Variants in PPARA observed in about 807,000 individuals in gnomAD.
The protein encoded by PPARA is peroxisome proliferator-activated receptor alpha.
In PPARA, 22 loss-of-function variants were observed where a neutral mutation model predicts 42.2. The observed-to-expected ratio is 0.52, with a 90% CI of 0.37 to 0.74. The LOEUF (loss-of-function observed/expected upper bound fraction) is 0.74, where lower values mean the gene tolerates loss of function less well. Among genes scored for constraint, PPARA ranks in the 30% least tolerant of loss-of-function variants. The pLI, the probability that PPARA is intolerant of heterozygous loss-of-function variation, is 0.00. For synonymous variants in PPARA, 242 were observed against 239.3 expected, an observed-to-expected ratio of 1.01 and a Z score of -0.10; for missense variants, 465 against 608.2, an observed-to-expected ratio of 0.76 and a Z score of 2.48.
In PPARA at chr22:46,217,397, G is replaced by A. The variant is rs139962269; in HGVS notation, c.370-866G>A. Among the ~76,000 whole-genome samples, 1,512 of 152,238 alleles carry A rather than the reference G, an allele frequency of 9.9e-3. 25 individuals are homozygous for A. The highest frequency in any genetic ancestry group is 0.034 in the African/African-American group (1,429 of 41,546). ...CTTATAAAGTGGCCTTTTCCTTAGG[G>A]CCATGATTAATTATTCATTTAGTTT... On this transcript the variant is annotated intron_variant, in intron 5 of 8. Transcript: ENST00000407236.
chr22:46,214,958 A>G (rs1018285253), intron 4 of PPARA, among the ~76,000 whole-genome samples: 6 of 152,042 alleles, frequency 3.9e-5, no homozygotes, highest in Non-Finnish European at 1.5e-5. Flanking sequence ...CAGCAGTGAG[A>G]GCGAGCATGC....
At chr22:46,217,143 C>A (rs1049435956) in intron 5 of PPARA, among the ~76,000 whole-genome samples, 1 of 152,088 alleles carries the variant, frequency 6.6e-6, no homozygotes, top group African/African-American at 2.4e-5. Context: ...CCATTCTAAC[C>A]CCATGCGTTC....
At position 46,235,520 on chromosome 22, in the gene PPARA, G is replaced by A. The variant is rs766889786; in HGVS notation, c.*140G>A. The A allele has an allele frequency of 1.6e-5, 18 of 1,115,466 alleles. No homozygotes were observed. Among genetic ancestry groups the A allele is most frequent in the Admixed American group, 6.3e-5 (3 of 47,870 alleles). 69.1% of individuals were successfully genotyped at this position (1,115,466 alleles called of 1,614,324 possible). On this transcript the variant is annotated 3_prime_UTR_variant, in exon 9 of 9. Transcript: ENST00000407236. This position sits in a 1 kb window ranked among gnomAD's most constrained non-coding sequence, Gnocchi z 7.0. ...TGGACAGTCTGAGCTGTAGGTAACC[G>A]GCATATTATTCCATATCTTTGTTTT...
In PPARA at chr22:46,183,374, A is replaced by C. The variant is rs1930234049; in HGVS notation, c.-43+6538A>C. Among the ~76,000 whole-genome samples the C allele has an allele frequency of 6.6e-6, 1 of 152,262 alleles. No individual in the cohort carries two copies. The highest frequency in any genetic ancestry group is 2.4e-5 in the African/African-American group (1 of 41,472). ...TTGACTGAAGACTCCAAGAGAGAGT[A>C]ATATTCATCAAGAGGATCATCTACT... is the stretch of plus-strand genomic sequence containing the variant. On this transcript the variant is annotated intron_variant, in intron 3 of 8. Transcript: ENST00000407236. The surrounding 1 kb of genome is among the most constrained non-coding windows in gnomAD (Gnocchi z 5.5).
Position 46,204,611 on chromosome 22 carries a change from C to T in PPARA, c.208+6020C>T, listed in dbSNP as rs977909690. Among the ~76,000 whole-genome samples the T allele has an allele frequency of 6.6e-6, 1 of 151,922 alleles. No homozygotes were observed. Among genetic ancestry groups the T allele is most frequent in the Non-Finnish European group, 1.5e-5 (1 of 67,990 alleles). On this transcript the variant is annotated intron_variant, in intron 4 of 8. Coordinates refer to ENST00000407236, the MANE Select transcript of PPARA (RefSeq NM_005036.6). This position sits in a 1 kb window ranked among gnomAD's most constrained non-coding sequence, Gnocchi z 5.2. ...CTGTGGTGATTTTTATTTGCACTTC[C>T]CTGGTGATTTTGAGCATCTTTTCGT...
At position 46,162,351 on chromosome 22, in the gene PPARA, G is replaced by A. The variant is rs961837134; in HGVS notation, c.-127+10381G>A. On this transcript the variant is annotated intron_variant, in intron 2 of 8. Coordinates refer to ENST00000407236, the MANE Select transcript of PPARA (RefSeq NM_005036.6). This position sits in a 1 kb window ranked among gnomAD's most constrained non-coding sequence, Gnocchi z 6.0. The stretch of plus-strand genomic sequence containing the variant: ...GGCCCTGACATTCCAGGGACTGACC[G>A]ACACGCTGTCTACACAAACCCCTTC... 1.1e-4 allele frequency among the ~76,000 whole-genome samples: 17 copies of A among 152,240 alleles called. No homozygotes were observed. Among genetic ancestry groups the A allele is most frequent in the Non-Finnish European group, 1.9e-4 (13 of 68,022 alleles).
At chr22:46,207,644 T>TTTTTTATTA (rs1652651299) in intron 4 of PPARA, among the ~76,000 whole-genome samples, 1 of 91,740 alleles carries the variant, frequency 1.1e-5, no homozygotes, top group Non-Finnish European at 2.0e-5. Flanking sequence ...AATTAATTAA[T>TTTTTTATTA]TTATTATTAT....
chr22:46,177,052 TACAAAAAA>T (rs1346706206), intron 3 of PPARA, among the ~76,000 whole-genome samples: 6 of 151,782 alleles, frequency 4.0e-5, no homozygotes, highest in African/African-American at 1.2e-4. Flanking sequence ...CTACTACAAA[TACAAAAAA>T]ATTAGCCGGG....
At chr22:46,229,187 G>C (rs182601816) in intron 7 of PPARA, among the ~76,000 whole-genome samples, 6 of 151,966 alleles carry the variant, frequency 3.9e-5, no homozygotes, top group African/African-American at 1.5e-4. Flanking sequence ...ATAAAGTGAC[G>C]GTGGCCTAAG....
Position 46,211,162 on chromosome 22 carries a change from C to T in PPARA, c.209-4011C>T, listed in dbSNP as rs1489453989. 6.6e-6 allele frequency among the ~76,000 whole-genome samples: 1 copy of T among 152,192 alleles called. No homozygotes were observed. Among genetic ancestry groups the T allele is most frequent in the African/African-American group, 2.4e-5 (1 of 41,446 alleles). ...TACTAACCTATGTCTATACAGGAAT[C>T]TATCGGTATTTCTGTCTGTGGCCAT... On this transcript the variant is annotated intron_variant, in intron 4 of 8. Coordinates refer to ENST00000407236, the MANE Select transcript of PPARA (RefSeq NM_005036.6). This position sits in a 1 kb window ranked among gnomAD's most constrained non-coding sequence, Gnocchi z 4.1.
At position 46,160,111 on chromosome 22, in the gene PPARA, C is replaced by G. The variant is rs1925931439; in HGVS notation, c.-127+8141C>G. Among the ~76,000 whole-genome samples the G allele has an allele frequency of 6.6e-6, 1 of 152,196 alleles. No homozygotes were observed. The highest frequency in any genetic ancestry group is 2.1e-4 in the South Asian group (1 of 4,832). ...CGGATCCAGGGCTGGTGCACTGAAC[C>G]CAGAGGAGCAGGCTCCCATTCCCAG... On this transcript the variant is annotated intron_variant, in intron 2 of 8. Coordinates refer to ENST00000407236, the MANE Select transcript of PPARA (RefSeq NM_005036.6). The surrounding 1 kb of genome is among the most constrained non-coding windows in gnomAD (Gnocchi z 4.5).
At chr22:46,177,807 T>C (rs1375969193) in intron 3 of PPARA, among the ~76,000 whole-genome samples, 1 of 152,000 alleles carries the variant, frequency 6.6e-6, no homozygotes, top group African/African-American at 2.4e-5. Context: ...GTGAGACAGG[T>C]CAGAACCTCA....
intron 4 of PPARA, among the ~76,000 whole-genome samples, chr22:46,202,231 G>A (rs1432890081): frequency 6.6e-6 from 1 of 152,262 alleles, no homozygotes; most frequent in East Asian, 1.9e-4. Context: ...CATGCAGGAG[G>A]GAACCCTGCT....
chr22:46,184,564 C>G lies in PPARA; in HGVS notation c.-43+7728C>G, dbSNP rs1463341993. The stretch of plus-strand genomic sequence containing the variant: ...ACTTCCCATGTTGCTGTTGGAAAAT[C>G]CAAAAGTATTCTATTTGGCCAGGCA... On this transcript the variant is annotated intron_variant, in intron 3 of 8. Coordinates refer to ENST00000407236, the MANE Select transcript of PPARA (RefSeq NM_005036.6). The surrounding 1 kb of genome is among the most constrained non-coding windows in gnomAD (Gnocchi z 4.4). 2.0e-5 allele frequency among the ~76,000 whole-genome samples: 3 copies of G among 152,264 alleles called. No individual in the cohort carries two copies. In the East Asian group the frequency reaches 5.8e-4, roughly 29 times the overall value.
chr22:46,198,650 T>C, intron 4 of PPARA, 59 bp downstream of exon 4: 1 of 1,410,188 alleles, frequency 7.1e-7, no homozygotes, highest in Non-Finnish European at 9.8e-7. Context: ...CCAAGAAAAC[T>C]GTTCTCTCTT....
intron 4 of PPARA, among the ~76,000 whole-genome samples, chr22:46,207,662 ATTATTATTATTATTATTTT>A (rs1933476876): frequency 1.2e-5 from 1 of 85,288 alleles, no homozygotes; most frequent in African/African-American, 5.4e-5. Flanking sequence ...TATTATTATT[ATTATTATTATTATTATTTT>A]TTTTTTTTTT....
At chr22:46,207,647 A>T (rs1242498096) in intron 4 of PPARA, among the ~76,000 whole-genome samples, 33 of 77,690 alleles carry the variant, frequency 4.2e-4, no homozygotes, top group Admixed American at 5.6e-4. Context: ...TAATTAATTT[A>T]TTATTATTAT....
chr22:46,229,326 G>T (rs553878155), intron 7 of PPARA, among the ~76,000 whole-genome samples: 90 of 152,120 alleles, frequency 5.9e-4, no homozygotes, highest in African/African-American at 2.1e-3. Flanking sequence ...GGCTGAGGTG[G>T]ACAGATTGCC....
chr22:46,214,790 C>T (rs1201253776), intron 4 of PPARA, among the ~76,000 whole-genome samples: 1 of 147,048 alleles, frequency 6.8e-6, no homozygotes, highest in Non-Finnish European at 1.5e-5. Context: ...ATGTGTGGAT[C>T]GGAGATGCTC....
Sources: allele counts gnomAD v4.1 joint callset (sites outside exome capture counted in the v4.1 genomes callset), GRCh38; gene constraint gnomAD v4.1.1; non-coding constraint Gnocchi (gnomAD v3.1); transcripts MANE v1.5; gene names NCBI Gene and HGNC (gene_info 2026-07-23, HGNC 2026-07-21).